The following SLC39A11 variants were observed in gnomAD, a reference collection of about 807,000 sequenced individuals.
SLC39A11 encodes zinc transporter ZIP11.
SLC39A11 carries 33 observed loss-of-function variants against 36.1 expected under a neutral mutation model. The observed-to-expected ratio is 0.91, with a 90% confidence interval of 0.69 to 1.22. SLC39A11 has a LOEUF of 1.22. Among genes scored for constraint, SLC39A11 ranks in the 50% most tolerant of loss-of-function variants. The pLI is 0.00. For missense variants in SLC39A11, 432 were observed against 430.3 expected, an observed-to-expected ratio of 1.00 and a Z score of -0.03; for synonymous variants, 166 against 170.3, an observed-to-expected ratio of 0.97 and a Z score of 0.20.
intron 6 of SLC39A11, among the ~76,000 whole-genome samples, chr17:72,763,372 T>C (rs1456150656): frequency 3.3e-5 from 5 of 152,238 alleles, no homozygotes; most frequent in Non-Finnish European, 7.3e-5. Context: ...TAATGAGTTT[T>C]AGAAATCTTA....
At chr17:72,943,541 C>T (rs8069727) in intron 5 of SLC39A11, among the ~76,000 whole-genome samples, 74,298 of 151,978 alleles carry the variant, frequency 0.49, 19,158 homozygotes, top group South Asian at 0.65. Flanking sequence ...GAGTGTCGTA[C>T]GGCTTACGCT....
intron 5 of SLC39A11, among the ~76,000 whole-genome samples, chr17:72,885,867 T>G (rs530722405): frequency 6.6e-6 from 1 of 152,194 alleles, no homozygotes; most frequent in Non-Finnish European, 1.5e-5. Flanking sequence ...TTGAATGTAA[T>G]TGGAGAGAAA....
chr17:72,861,346 T>G (rs1010895990), intron 5 of SLC39A11, among the ~76,000 whole-genome samples: 3 of 152,110 alleles, frequency 2.0e-5, no homozygotes, highest in Non-Finnish European at 4.4e-5. Flanking sequence ...AGGAGGGGAC[T>G]GCTGCCCTTC....
At chr17:72,811,423 G>A (rs1051731477) in intron 6 of SLC39A11, among the ~76,000 whole-genome samples, 3 of 152,170 alleles carry the variant, frequency 2.0e-5, no homozygotes, top group African/African-American at 7.2e-5. Flanking sequence ...GGCAATCACT[G>A]TTTATAATTT....
At chr17:73,056,798 A>G (rs190342313) in intron 3 of SLC39A11, among the ~76,000 whole-genome samples, 161 of 152,316 alleles carry the variant, frequency 1.1e-3, no homozygotes, top group African/African-American at 3.7e-3. Flanking sequence ...TTCATGTACA[A>G]GAACTATGAA....
At chr17:72,719,703 G>A (rs566956353) in intron 7 of SLC39A11, among the ~76,000 whole-genome samples, 5 of 152,288 alleles carry the variant, frequency 3.3e-5, no homozygotes, top group African/African-American at 2.4e-5. Context: ...AGAGCTTGAC[G>A]GGGCCCTCCC....
chr17:72,913,305 C>A (rs2083134160), intron 5 of SLC39A11, among the ~76,000 whole-genome samples: 1 of 152,040 alleles, frequency 6.6e-6, no homozygotes, highest in South Asian at 2.1e-4. Context: ...AAGGATGAAG[C>A]TAATCATGGA....
intron 4 of SLC39A11, among the ~76,000 whole-genome samples, chr17:72,951,038 G>A (rs538986387): frequency 1.3e-5 from 2 of 151,730 alleles, no homozygotes; most frequent in East Asian, 1.9e-4. Context: ...AAGGTGGGAG[G>A]ATCACTTGAG....
intron 6 of SLC39A11, among the ~76,000 whole-genome samples, chr17:72,747,826 G>T (rs934029961): frequency 2.0e-5 from 3 of 152,190 alleles, no homozygotes; most frequent in African/African-American, 7.2e-5. Flanking sequence ...GAACCAGCCA[G>T]GTATTATTGC....
intron 4 of SLC39A11, among the ~76,000 whole-genome samples, chr17:73,024,648 G>T (rs1179789441): frequency 1.3e-5 from 2 of 152,020 alleles, no homozygotes; most frequent in African/African-American, 4.8e-5. Flanking sequence ...TGTCATATTT[G>T]TTCTCTCAAT....
chr17:72,740,155 T>C lies in SLC39A11; in HGVS notation c.602-3436A>G, dbSNP rs568327937. ...TCGGCTCACTGCAAGCTCCACCTCC[T>C]GGGTTCACACCATTCTCCTGCCTCA... On this transcript the variant is annotated intron_variant, in intron 6 of 9. Transcript: ENST00000255559. 4.5e-4 allele frequency among the ~76,000 whole-genome samples: 61 copies of C among 136,124 alleles called. 1 individual carries two copies. Among genetic ancestry groups the C allele is most frequent in the African/African-American group, 1.5e-3 (54 of 35,918 alleles). The allele number at this position is 136,124 out of a possible 152,430, so 89.3% of individuals were successfully genotyped here.
At chr17:72,655,882 C>T (rs2070092853) in intron 7 of SLC39A11, among the ~76,000 whole-genome samples, 1 of 152,098 alleles carries the variant, frequency 6.6e-6, no homozygotes, top group Non-Finnish European at 1.5e-5. Flanking sequence ...GACTTAGGAG[C>T]TGTGGGGCCT....
chr17:72,672,808 T>G (rs1295586008), intron 7 of SLC39A11, among the ~76,000 whole-genome samples: 1 of 152,126 alleles, frequency 6.6e-6, no homozygotes, highest in African/African-American at 2.4e-5. Flanking sequence ...ACTATGCCGC[T>G]CAGGCTGATC....
At chr17:73,019,260 G>C (rs1384336182) in intron 4 of SLC39A11, among the ~76,000 whole-genome samples, 2 of 152,130 alleles carry the variant, frequency 1.3e-5, no homozygotes, top group Non-Finnish European at 2.9e-5. Context: ...GAAAAGCAGT[G>C]AAAATGAAAG....
intron 4 of SLC39A11, among the ~76,000 whole-genome samples, chr17:72,970,627 A>G (rs895426730): frequency 2.0e-5 from 3 of 152,252 alleles, no homozygotes; most frequent in Non-Finnish European, 2.9e-5. Context: ...GAATTAAGTC[A>G]GCTGTAATGC....
intron 4 of SLC39A11, among the ~76,000 whole-genome samples, chr17:73,020,680 CTTTTTTTT>C (rs71154945): frequency 3.0e-5 from 3 of 98,890 alleles, no homozygotes; most frequent in African/African-American, 4.0e-5. Flanking sequence ...TTGTTTCTTT[CTTTTTTTT>C]TTTTTTTTTT....
intron 7 of SLC39A11, among the ~76,000 whole-genome samples, chr17:72,703,695 CAG>C (rs1276875142): frequency 6.6e-6 from 1 of 152,224 alleles, no homozygotes; most frequent in African/African-American, 2.4e-5. Context: ...AAGATCAACT[CAG>C]AGTTTTCAGA....
chr17:72,879,048 C>T (rs556912260), intron 5 of SLC39A11, among the ~76,000 whole-genome samples: 8 of 152,322 alleles, frequency 5.3e-5, no homozygotes, highest in African/African-American at 1.9e-4. Flanking sequence ...TACAGATGAA[C>T]AGCCAAATGG....
At chr17:72,773,644 TACACAC>T (rs550889404) in intron 6 of SLC39A11, among the ~76,000 whole-genome samples, 23 of 78,838 alleles carry the variant, frequency 2.9e-4, no homozygotes, top group Admixed American at 5.7e-4. Context: ...GAGACCATCT[TACACAC>T]ACACACACAC....
Sources: allele counts gnomAD v4.1 joint callset (sites outside exome capture counted in the v4.1 genomes callset), GRCh38; gene constraint gnomAD v4.1.1; transcripts MANE v1.5; gene names NCBI Gene and HGNC (gene_info 2026-07-23, HGNC 2026-07-21).